The following RELN variants were observed in gnomAD, a reference collection of about 807,000 sequenced individuals.
RELN encodes the protein reelin.
Under a neutral mutation model 427.6 loss-of-function variants are expected in RELN, and 108 were observed. That is an observed-to-expected ratio of 0.25 (90% CI 0.22 to 0.30). The LOEUF (loss-of-function observed/expected upper bound fraction) is 0.30, where lower values mean the gene tolerates loss of function less well. RELN is among the 10% of genes least tolerant of loss of function. The probability of loss-of-function intolerance (pLI) is 1.00; values close to 1 mark genes in which losing one functional copy is unlikely to be tolerated. For missense variants in RELN, 3,715 were observed against 4,302.8 expected, an observed-to-expected ratio of 0.86 and a Z score of 3.82; for synonymous variants, 1,524 against 1,513.4, an observed-to-expected ratio of 1.01 and a Z score of -0.16.
intron 8 of RELN, among the ~76,000 whole-genome samples, chr7:103,717,463 G>T: frequency 6.7e-6 from 1 of 148,208 alleles, no homozygotes; most frequent in East Asian, 2.0e-4. Context: ...TAACATAGAG[G>T]TATTCCATAT....
intron 51 of RELN, among the ~76,000 whole-genome samples, chr7:103,507,639 A>G (rs1829259629): frequency 6.6e-6 from 1 of 152,204 alleles, no homozygotes; most frequent in Non-Finnish European, 1.5e-5. Context: ...AAGCAGGAGC[A>G]AACACATTCA....
In RELN at chr7:103,566,759, C is replaced by G; in HGVS notation, c.4589G>C (p.Gly1530Ala). Residue 1530 changes from glycine (G) to alanine (A), a missense_variant and splice_region_variant, in exon 32 of 65, where the codon GGG becomes GCG. By Grantham distance (60) the Gly-to-Ala change is moderately conservative. Transcript: ENST00000428762. ...GTCATTTGAATACTGAACAATAAGCCCTGAGTTAAAAGACATAAATCCAGT... is the reference window on the plus strand; with the variant it reads ...GTCATTTGAATACTGAACAATAAGCGCTGAGTTAAAAGACATAAATCCAGT... Reference protein sequence around the residue: ...TCIKPRTRNEGLIVQYSNDNG... With the variant: ...TCIKPRTRNEALIVQYSNDNG... 1 of 1,613,844 alleles carries G rather than the reference C, an allele frequency of 6.2e-7. No individual in the cohort carries two copies. Among genetic ancestry groups the G allele is most frequent in the African/African-American group, 1.3e-5 (1 of 74,994 alleles).
intron 16 of RELN, among the ~76,000 whole-genome samples, chr7:103,647,160 G>A (rs1191971345): frequency 6.6e-6 from 1 of 152,024 alleles, no homozygotes; most frequent in East Asian, 1.9e-4. Context: ...TGATGAGGAT[G>A]CCCACTTTCA....
chr7:103,921,454 T>C (rs1316230308), intron 1 of RELN, among the ~76,000 whole-genome samples: 1 of 152,174 alleles, frequency 6.6e-6, no homozygotes, highest in South Asian at 2.1e-4. Flanking sequence ...TTTATATCTT[T>C]CATAGTTTTG....
chr7:103,516,508 G>A (rs779392069), intron 49 of RELN, among the ~76,000 whole-genome samples: 39 of 151,978 alleles, frequency 2.6e-4, no homozygotes, highest in Middle Eastern at 3.4e-3. Context: ...GGTTGGTTTC[G>A]AACTCCTGAC....
chr7:103,651,642 T>C lies in RELN; in HGVS notation c.1892+19A>G, dbSNP rs768149641. ...ACATGGATTCAAGTATTTCAATATC[T>C]CAGAGAGAATGTACTCACCCACTGT... On this transcript the variant is annotated intron_variant, in intron 15 of 64. Coordinates refer to ENST00000428762, the MANE Select transcript of RELN (RefSeq NM_005045.4). 9.3e-6 allele frequency: 15 copies of C among 1,608,494 alleles called. No homozygotes were observed. In the East Asian group the frequency reaches 2.2e-4, roughly 24 times the overall value.
rs147042966 is a variant in RELN, at chr7:103,551,155, C to G, written c.6214G>C (p.Glu2072Gln). 1 of 1,613,884 alleles carries G rather than the reference C, an allele frequency of 6.2e-7. No individual in the cohort carries two copies. The highest frequency in any genetic ancestry group is 1.3e-5 in the African/African-American group (1 of 74,892). The part of the protein sequence containing the change: ...SSHVSSLCST[E>Q]HHPSSTYYAG... ...TAGTAGGTGCTGCTGGGGTGGTGCT[C>G]GGTGGAGCATAAAGAGCTGACGTGG... Residue 2072 changes from glutamate to glutamine, a missense_variant, in exon 41 of 65, where the codon GAG (glutamate) becomes CAG (glutamine). Coordinates refer to ENST00000428762, the MANE Select transcript of RELN (RefSeq NM_005045.4).
intron 8 of RELN, among the ~76,000 whole-genome samples, chr7:103,706,875 A>G (rs574177524): frequency 2.0e-5 from 3 of 152,280 alleles, no homozygotes; most frequent in African/African-American, 4.8e-5. Context: ...CCAAGAAGAA[A>G]TATCATGTGT....
At chr7:103,811,855 C>A (rs1358889849) in intron 3 of RELN, among the ~76,000 whole-genome samples, 1 of 152,172 alleles carries the variant, frequency 6.6e-6, no homozygotes, top group Non-Finnish European at 1.5e-5. Flanking sequence ...AAATACATGT[C>A]AGGTATTAAA....
intron 2 of RELN, among the ~76,000 whole-genome samples, chr7:103,866,091 T>A (rs1348388264): frequency 6.6e-6 from 1 of 152,106 alleles, no homozygotes; most frequent in Non-Finnish European, 1.5e-5. Context: ...TAATGCCAGT[T>A]AAAATGATTT....
chr7:103,654,434 C>T (rs549934371), intron 12 of RELN, among the ~76,000 whole-genome samples: 13 of 152,212 alleles, frequency 8.5e-5, no homozygotes, highest in African/African-American at 1.2e-4. Context: ...TAGCTATTTG[C>T]TTCATGAGAT....
intron 1 of RELN, among the ~76,000 whole-genome samples, chr7:103,919,046 C>T (rs1333515309): frequency 6.6e-6 from 1 of 151,246 alleles, no homozygotes; most frequent in Non-Finnish European, 1.5e-5. Context: ...TTTGGAAAAA[C>T]GCTACTCTTT....
intron 29 of RELN, 95 bp from the exon 30 acceptor site, chr7:103,574,394 G>C (rs1830951395): frequency 1.9e-6 from 2 of 1,039,762 alleles, no homozygotes; most frequent in African/African-American, 3.1e-5. Flanking sequence ...TGTCCATAGG[G>C]ATTAACATTA....
Position 103,701,005 on chromosome 7 carries a change from C to T in RELN, c.807G>A (p.Gly269=). 1.9e-6 allele frequency: 3 copies of T among 1,578,494 alleles called. No homozygotes were observed. Among genetic ancestry groups the T allele is most frequent in the South Asian group, 1.1e-5 (1 of 90,322 alleles). The change falls in exon 9 of 65, where the codon GGG becomes GGA. Residue 269 remains glycine, a splice_region_variant and synonymous_variant. Transcript: ENST00000428762. ...AATAACTAAAGCGACATGAACCTGA[C>T]CCTGTAAATAGCAATAACAATAAAT... ...TTASVLQFSI[G]SGSCRFSYSD...
chr7:103,723,482 T>C (rs1054842312), intron 7 of RELN, among the ~76,000 whole-genome samples: 21 of 152,172 alleles, frequency 1.4e-4, no homozygotes, highest in African/African-American at 4.8e-4. Flanking sequence ...CAGGTTATCT[T>C]GTGAAGGCAT....
At chr7:103,773,126 T>TTCTTTCTTTCTC (rs1791619344) in intron 4 of RELN, among the ~76,000 whole-genome samples, 1 of 94,112 alleles carries the variant, frequency 1.1e-5, no homozygotes, top group East Asian at 4.2e-4. Context: ...CTTTCTTTCT[T>TTCTTTCTTTCTC]TCTTTCTTTC....
At chr7:103,746,997 A>C (rs1411915817) in intron 6 of RELN, among the ~76,000 whole-genome samples, 2 of 152,204 alleles carry the variant, frequency 1.3e-5, no homozygotes, top group Non-Finnish European at 2.9e-5. Context: ...CACAATAGCA[A>C]AGACTTGGAA....
intron 11 of RELN, among the ~76,000 whole-genome samples, chr7:103,671,151 G>A (rs766840777): frequency 6.6e-6 from 1 of 152,040 alleles, no homozygotes; most frequent in Non-Finnish European, 1.5e-5. Flanking sequence ...TCTCTAGTAC[G>A]AGTCCTCTGA....
In RELN at chr7:103,771,145, G is replaced by A. The variant is rs546125713; in HGVS notation, c.544+5412C>T. The stretch of plus-strand genomic sequence containing the variant: ...TTGGCCAGGCTGGTCTCAAACTCCT[G>A]ACCTCAGGTGATCTGCCCGCCTCGG... On this transcript the variant is annotated intron_variant, in intron 4 of 64. Transcript: ENST00000428762. 1.6e-4 allele frequency among the ~76,000 whole-genome samples: 25 copies of A among 151,808 alleles called. 1 individual carries two copies. In the South Asian group the frequency reaches 5.0e-3, roughly 30 times the overall value.
Sources: gnomAD v4.1 joint callset for allele counts (sites outside exome capture counted in the v4.1 genomes callset) on GRCh38, gnomAD v4.1.1 for gene constraint, MANE v1.5 for transcripts, NCBI Gene and HGNC (gene_info 2026-07-23, HGNC 2026-07-21) for gene names.